ADAMTS6: variants seen among roughly 807,000 people sequenced by gnomAD.
ADAMTS6 encodes ADAM metallopeptidase with thrombospondin type 1 motif 6.
A neutral mutation model predicts 144.3 loss-of-function variants in ADAMTS6; 23 were observed. That is an observed-to-expected ratio of 0.16 (90% CI 0.11 to 0.23). ADAMTS6 has a LOEUF of 0.23. Among genes scored for constraint, ADAMTS6 ranks in the 10% least tolerant of loss-of-function variants. ADAMTS6 has a pLI of 1.00. For synonymous variants in ADAMTS6, 444 were observed against 457.5 expected (o/e 0.97, Z 0.38); for missense variants, 999 against 1,379.6 (o/e 0.72, Z 4.37).
intron 8 of ADAMTS6, among the ~76,000 whole-genome samples, chr5:65,329,949 A>AT (rs1375367791): frequency 6.6e-6 from 1 of 152,172 alleles, no homozygotes; most frequent in Non-Finnish European, 1.5e-5. Flanking sequence ...TTTAAGTGAT[A>AT]TTTTTATTAA....
At chr5:65,170,561 G>T in intron 24 of ADAMTS6, 56 bp downstream of exon 24, 1 of 1,589,146 alleles carries the variant, frequency 6.3e-7, no homozygotes, top group Non-Finnish European at 8.6e-7. Flanking sequence ...CAGACCCTGG[G>T]AACAGTAAAG....
intron 14 of ADAMTS6, among the ~76,000 whole-genome samples, chr5:65,252,951 C>T (rs1760309252): frequency 6.6e-6 from 1 of 151,936 alleles, no homozygotes; most frequent in South Asian, 2.1e-4. Flanking sequence ...GGGTAGTGAG[C>T]CTCTCAGCTT....
At chr5:65,414,520 A>G (rs1755337815) in intron 7 of ADAMTS6, among the ~76,000 whole-genome samples, 2 of 152,170 alleles carry the variant, frequency 1.3e-5, no homozygotes, top group Non-Finnish European at 2.9e-5. Flanking sequence ...ATGCTAATAT[A>G]TTTACATAAA....
intron 7 of ADAMTS6, among the ~76,000 whole-genome samples, chr5:65,379,818 A>G (rs1751883171): frequency 6.6e-6 from 1 of 152,200 alleles, no homozygotes; most frequent in Non-Finnish European, 1.5e-5. Context: ...GATCACACGT[A>G]TGCATGTGTG....
chr5:65,369,915 T>C (rs756012995), intron 7 of ADAMTS6, among the ~76,000 whole-genome samples: 15 of 152,234 alleles, frequency 9.9e-5, no homozygotes, highest in African/African-American at 2.2e-4. Context: ...CAGCTGATAA[T>C]AGAACTAACT....
chr5:65,229,140 C>T (rs1021440333), intron 15 of ADAMTS6, among the ~76,000 whole-genome samples: 1 of 152,138 alleles, frequency 6.6e-6, no homozygotes, highest in Admixed American at 6.5e-5. Flanking sequence ...TTTAGGGAAC[C>T]ACCCTAGAAA....
intron 22 of ADAMTS6, among the ~76,000 whole-genome samples, chr5:65,174,754 G>A (rs1753862417): frequency 6.6e-6 from 1 of 152,172 alleles, no homozygotes; most frequent in Admixed American, 6.5e-5. Context: ...TGAGTTTGGT[G>A]TAAACTGTAA....
chr5:65,200,011 A>G (rs1755631986), intron 20 of ADAMTS6, among the ~76,000 whole-genome samples: 2 of 152,158 alleles, frequency 1.3e-5, no homozygotes, highest in South Asian at 4.1e-4. Context: ...ATGAAGATGC[A>G]TGTTTTCCTT....
intron 24 of ADAMTS6, among the ~76,000 whole-genome samples, chr5:65,168,644 G>T (rs1227833651): frequency 2.4e-5 from 3 of 126,276 alleles, no homozygotes; most frequent in Admixed American, 8.8e-5. Context: ...ATACTACAAG[G>T]CTACAGTAAC....
chr5:65,430,928 C>T (rs1756956325), intron 7 of ADAMTS6, among the ~76,000 whole-genome samples: 1 of 152,144 alleles, frequency 6.6e-6, no homozygotes, highest in South Asian at 2.1e-4. Context: ...ATGCATATCA[C>T]ACAGTAAAAT....
At chr5:65,349,030 A>C (rs1748608794) in intron 7 of ADAMTS6, among the ~76,000 whole-genome samples, 2 of 152,142 alleles carry the variant, frequency 1.3e-5, no homozygotes, top group African/African-American at 4.8e-5. Flanking sequence ...AGTTTTACAG[A>C]ACATGGTAGA....
intron 21 of ADAMTS6, 116 bp downstream of exon 21, chr5:65,196,906 T>G: frequency 7.7e-7 from 1 of 1,291,412 alleles, no homozygotes; most frequent in African/African-American, 1.5e-5. Flanking sequence ...GGATGTTTTC[T>G]ACCTTTTTTC....
chr5:65,452,330 C>A, intron 5 of ADAMTS6, 114 bp from the exon 6 acceptor site: 1 of 794,044 alleles, frequency 1.3e-6, no homozygotes, highest in South Asian at 1.8e-5. Flanking sequence ...GTATACATTA[C>A]CCCATATCAC....
intron 18 of ADAMTS6, among the ~76,000 whole-genome samples, chr5:65,223,547 G>A (rs1280352607): frequency 2.0e-5 from 3 of 152,084 alleles, no homozygotes. Flanking sequence ...ACGTATAAAT[G>A]AGATCATGCA....
chr5:65,326,105 A>T (rs1023539717), intron 9 of ADAMTS6, among the ~76,000 whole-genome samples: 1 of 152,122 alleles, frequency 6.6e-6, no homozygotes, highest in Non-Finnish European at 1.5e-5. Context: ...CCAAAAAATG[A>T]GTATTTTTAA....
intron 22 of ADAMTS6, among the ~76,000 whole-genome samples, chr5:65,174,001 A>G (rs1209034268): frequency 3.5e-5 from 5 of 143,996 alleles, no homozygotes; most frequent in Non-Finnish European, 4.6e-5. Flanking sequence ...CAGCCTAGAG[A>G]CAGAGCAAGA....
At chr5:65,234,724 A>C (rs2112457280) in intron 15 of ADAMTS6, among the ~76,000 whole-genome samples, 1 of 152,298 alleles carries the variant, frequency 6.6e-6, no homozygotes, top group African/African-American at 2.4e-5. Context: ...TAAAAATAGA[A>C]TAACCATATG....
chr5:65,324,576 CAT>C (rs4019212), intron 9 of ADAMTS6, among the ~76,000 whole-genome samples: 17,214 of 151,380 alleles, frequency 0.11, 1,042 homozygotes, highest in African/African-American at 0.16. Flanking sequence ...ATATATGCTA[CAT>C]GTTATATATA....
chr5:65,207,329 G>C (rs1756174288), intron 20 of ADAMTS6, among the ~76,000 whole-genome samples: 1 of 152,008 alleles, frequency 6.6e-6, no homozygotes, highest in Non-Finnish European at 1.5e-5. Context: ...CCAATGGCAG[G>C]ACAGACTGTA....
Sources: gnomAD v4.1 joint callset for allele counts (sites outside exome capture counted in the v4.1 genomes callset) on GRCh38, gnomAD v4.1.1 for gene constraint, MANE v1.5 for transcripts, NCBI Gene and HGNC (gene_info 2026-07-23, HGNC 2026-07-21) for gene names.